The following RBFOX1 variants were observed in gnomAD, a reference collection of about 807,000 sequenced individuals.
RBFOX1 encodes RNA binding fox-1 homolog 1.
In RBFOX1, 8 loss-of-function variants were observed where a neutral mutation model predicts 57.7. The observed-to-expected ratio is 0.14, with a 90% CI of 0.08 to 0.25. The LOEUF (loss-of-function observed/expected upper bound fraction) is 0.25. RBFOX1 is among the 10% of genes least tolerant of loss of function. RBFOX1 has a pLI of 1.00. For synonymous variants in RBFOX1, 326 were observed against 222.4 expected (o/e 1.47, Z -4.15); for missense variants, 611 against 548.5 (o/e 1.11, Z -1.14).
chr16:5,306,510 G>A (rs1203656254), intron 1 of RBFOX1, among the ~76,000 whole-genome samples: 2 of 151,992 alleles, frequency 1.3e-5, no homozygotes, highest in Non-Finnish European at 2.9e-5. Flanking sequence ...AGTAGAGACG[G>A]GGTTTTACCA....
rs113672418 is a variant in RBFOX1, at chr16:5,783,464, A to G, written c.319-83839A>G. Among the ~76,000 whole-genome samples, 753 of 152,316 alleles carry G rather than the reference A, an allele frequency of 4.9e-3. 12 individuals are homozygous for G. The highest frequency in any genetic ancestry group is 0.017 in the African/African-American group (701 of 41,564). On this transcript the variant is annotated intron_variant, in intron 3 of 19. Transcript: ENST00000641259. The stretch of plus-strand genomic sequence containing the variant: ...TCTTGTTTTGAGTATTTCATTAAAT[A>G]AAAGATGCATATCAATAATATAGGA...
intron 3 of RBFOX1, among the ~76,000 whole-genome samples, chr16:6,863,773 T>A (rs557287729): frequency 2.4e-5 from 3 of 125,620 alleles, no homozygotes; most frequent in Non-Finnish European, 3.2e-5. Flanking sequence ...AATACAACCT[T>A]ACAGAGGTAA....
At chr16:6,531,353 G>C (rs1366405746) in intron 2 of RBFOX1, among the ~76,000 whole-genome samples, 2 of 152,074 alleles carry the variant, frequency 1.3e-5, no homozygotes, top group Non-Finnish European at 2.9e-5. Flanking sequence ...ATGGCTTTGT[G>C]GGTGAGCTGA....
rs1401791557 is a variant in RBFOX1, at chr16:7,713,087, T to G, written c.*2342T>G. ...ATGTCAGAGATGTAAACAAACATTT[T>G]GGATTTTTTTTAAACAGTATTTATT... On this transcript the variant is annotated 3_prime_UTR_variant, in exon 16 of 16. Coordinates refer to ENST00000550418, the MANE Select transcript of RBFOX1 (RefSeq NM_018723.4). The G allele has an allele frequency of 7.2e-5, 11 of 152,226 alleles. No individual in the cohort carries two copies. The allele number at this position is 152,226 out of a possible 1,614,324, so 9.4% of individuals were successfully genotyped here. A position where few individuals can be genotyped will look rare whatever the true frequency, so the allele number is the denominator to read the frequency against.
At chr16:5,406,174 G>A (rs1296511623) in intron 1 of RBFOX1, among the ~76,000 whole-genome samples, 1 of 152,050 alleles carries the variant, frequency 6.6e-6, no homozygotes, top group South Asian at 2.1e-4. Context: ...ACTTGACTGG[G>A]ATACATGATG....
intron 2 of RBFOX1, among the ~76,000 whole-genome samples, chr16:6,444,522 G>A (rs1405586095): frequency 6.6e-6 from 1 of 152,100 alleles, no homozygotes; most frequent in Non-Finnish European, 1.5e-5. Context: ...CCCTGCACAA[G>A]CTCTCTCTCT....
chr16:6,019,735 T>G lies in RBFOX1; in HGVS notation c.-384T>G. ...GCAGGAGCGGACCGCGCGCCCGGGA[T>G]TGAGAGTCCTTGCGCTCCAGACCCC... On this transcript the variant is annotated 5_prime_UTR_variant, in exon 1 of 16. Transcript: ENST00000550418. This position sits in a 1 kb window ranked among gnomAD's most constrained non-coding sequence, Gnocchi z 4.2. The G allele has an allele frequency of 7.3e-7, 1 of 1,370,308 alleles. No individual in the cohort carries two copies. The highest frequency in any genetic ancestry group is 9.4e-7 in the Non-Finnish European group (1 of 1,060,988). The allele number at this position is 1,370,308 out of a possible 1,614,324, so 84.9% of individuals were successfully genotyped here.
At chr16:6,380,201 C>G (rs2091647561) in intron 2 of RBFOX1, among the ~76,000 whole-genome samples, 1 of 151,996 alleles carries the variant, frequency 6.6e-6, no homozygotes, top group Admixed American at 6.6e-5. Context: ...GGAATTGGCT[C>G]ATTCAGATGA....
At chr16:6,719,973 A>C (rs1011110813) in intron 3 of RBFOX1, among the ~76,000 whole-genome samples, 1 of 151,892 alleles carries the variant, frequency 6.6e-6, no homozygotes, top group African/African-American at 2.4e-5. Flanking sequence ...AGGCGTCTAT[A>C]ATCCCAGCTA....
intron 1 of RBFOX1, among the ~76,000 whole-genome samples, chr16:6,211,928 C>G (rs1381443475): frequency 6.6e-6 from 1 of 152,042 alleles, no homozygotes; most frequent in Non-Finnish European, 1.5e-5. Flanking sequence ...CAGCTCACTG[C>G]AACCTCTGCC....
chr16:7,265,692 G>C (rs893158868), intron 4 of RBFOX1, among the ~76,000 whole-genome samples: 1 of 152,128 alleles, frequency 6.6e-6, no homozygotes, highest in African/African-American at 2.4e-5. Context: ...CAGGTGATCC[G>C]CCTGCCTTAG....
intron 3 of RBFOX1, among the ~76,000 whole-genome samples, chr16:6,655,344 AG>A (rs1367899495): frequency 4.5e-5 from 6 of 134,532 alleles, no homozygotes; most frequent in African/African-American, 1.7e-4. Context: ...AGCGCACTCC[AG>A]CCTGAGTGAC....
chr16:7,051,411 G>A (rs1196416254), intron 3 of RBFOX1, among the ~76,000 whole-genome samples: 1 of 152,322 alleles, frequency 6.6e-6, no homozygotes, highest in African/African-American at 2.4e-5. Context: ...TGTCAGTAGG[G>A]CAAAGATAAT....
At chr16:6,582,127 C>G (rs982133222) in intron 2 of RBFOX1, among the ~76,000 whole-genome samples, 11 of 152,076 alleles carry the variant, frequency 7.2e-5, no homozygotes, top group Non-Finnish European at 2.9e-5. Context: ...GCTGAGAAAG[C>G]TGATTTAAGT....
At chr16:5,460,401 C>A (rs2068753559) in intron 1 of RBFOX1, among the ~76,000 whole-genome samples, 1 of 152,194 alleles carries the variant, frequency 6.6e-6, no homozygotes, top group African/African-American at 2.4e-5. Context: ...ACTGCACCTC[C>A]CTCATATTTT....
rs1409769393 is a variant in RBFOX1 at position 6,055,590 on chromosome 16, C to A, written c.-127+35598C>A. Among the ~76,000 whole-genome samples, 622 of 65,424 alleles carry A rather than the reference C, an allele frequency of 9.5e-3. 2 individuals are homozygous for A. The highest frequency in any genetic ancestry group is 0.026 in the African/African-American group (400 of 15,110). 42.9% of individuals were successfully genotyped at this position (65,424 alleles called of 152,430 possible). On this transcript the variant is annotated intron_variant, in intron 1 of 15. Coordinates refer to ENST00000550418, the MANE Select transcript of RBFOX1 (RefSeq NM_018723.4). The stretch of plus-strand genomic sequence containing the variant: ...CTTGGGCAACAGAGTGAGACTCCGT[C>A]AAAAAAAAAAAAAAAAAAAAAAAAG...
chr16:6,376,328 G>A (rs943865867), intron 2 of RBFOX1, among the ~76,000 whole-genome samples: 1 of 151,822 alleles, frequency 6.6e-6, no homozygotes, highest in African/African-American at 2.4e-5. Flanking sequence ...GTTTGCAAGG[G>A]CCCCTGCAAA....
At chr16:7,124,959 A>G (rs896367768) in intron 4 of RBFOX1, among the ~76,000 whole-genome samples, 1 of 152,158 alleles carries the variant, frequency 6.6e-6, no homozygotes, top group Non-Finnish European at 1.5e-5. Context: ...AGCTCAATTC[A>G]CAGGACTGGA....
chr16:6,049,332 A>T (rs1393164738), intron 1 of RBFOX1, among the ~76,000 whole-genome samples: 1 of 152,102 alleles, frequency 6.6e-6, no homozygotes, highest in Non-Finnish European at 1.5e-5. Flanking sequence ...CTTTAAAAAA[A>T]AAATTCTTTA....
Sources: gnomAD v4.1 joint callset for allele counts (sites outside exome capture counted in the v4.1 genomes callset) on GRCh38, gnomAD v4.1.1 for gene constraint, Gnocchi (gnomAD v3.1) non-coding constraint, MANE v1.5 for transcripts, NCBI Gene and HGNC (gene_info 2026-07-23, HGNC 2026-07-21) for gene names.